Variants in PISD observed in about 807,000 individuals in gnomAD.
PISD encodes phosphatidylserine decarboxylase proenzyme, mitochondrial.
Under a neutral mutation model 43.5 loss-of-function variants are expected in PISD, and 31 were observed. That is an observed-to-expected ratio of 0.71 (90% CI 0.54 to 0.96). The LOEUF is 0.96. PISD is among the 40% of genes least tolerant of loss of function. PISD has a pLI of 0.00. For synonymous variants in PISD, 259 were observed against 228.7 expected (o/e 1.13, Z -1.20); for missense variants, 523 against 548.4 (o/e 0.95, Z 0.46).
chr22:31,648,493 G>A (rs55916646), intron 2 of PISD, among the ~76,000 whole-genome samples: 8,319 of 151,912 alleles, frequency 0.055, 212 homozygotes, highest in Non-Finnish European at 0.065. Flanking sequence ...GTGAAACCCC[G>A]TCTCTACTAA....
intron 1 of PISD, among the ~76,000 whole-genome samples, chr22:31,655,117 G>C (rs1455356908): frequency 3.3e-5 from 5 of 150,684 alleles, no homozygotes; most frequent in African/African-American, 1.2e-4. Context: ...AGGAGACTGG[G>C]TCCCTGAACA....
Position 31,619,641 on chromosome 22 carries a change from G to A in PISD, c.1201C>T (p.Arg401Cys), listed in dbSNP as rs140479024. The change falls in exon 8 of 8, where the codon CGC (arginine) becomes TGC (cysteine). Residue 401 changes from arginine to cysteine, a missense_variant. Coordinates refer to ENST00000439502, the MANE Select transcript of PISD (RefSeq NM_001326411.2). ...AGCGAGCCCAGGGCTTCCCCAAAGC[G>A]GATTTTCTGTCCTGTTTTCAGCTGG... ...NFQLKTGQKI[R>C]FGEALGSL is the part of the protein sequence containing the mutation. The A allele has an allele frequency of 3.4e-5, 55 of 1,614,140 alleles. No homozygotes were observed. The highest frequency in any genetic ancestry group is 1.6e-4 in the Middle Eastern group (1 of 6,062).
chr22:31,662,118 A>C, intron 1 of PISD, 26 bp downstream of exon 1: 2 of 1,602,410 alleles, frequency 1.2e-6, no homozygotes, highest in Non-Finnish European at 1.7e-6. Flanking sequence ...CCCACGCCCC[A>C]AGGTAGTCTC....
chr22:31,626,553 C>T (rs1405557087), intron 3 of PISD, among the ~76,000 whole-genome samples: 1 of 152,118 alleles, frequency 6.6e-6, no homozygotes, highest in East Asian at 1.9e-4. Flanking sequence ...ACACAAAATA[C>T]CCAGCTCCCT....
intron 1 of PISD, among the ~76,000 whole-genome samples, chr22:31,660,794 C>T (rs969774573): frequency 1.3e-5 from 2 of 152,090 alleles, no homozygotes; most frequent in Admixed American, 6.6e-5. Flanking sequence ...ACTCCAGCGG[C>T]GCAGTCTTGG....
At chr22:31,642,229 G>C (rs2073755311) in intron 3 of PISD, among the ~76,000 whole-genome samples, 1 of 151,082 alleles carries the variant, frequency 6.6e-6, no homozygotes, top group Non-Finnish European at 1.5e-5. Flanking sequence ...GGGAGGCCAA[G>C]GTGGGAGGAT....
intron 3 of PISD, among the ~76,000 whole-genome samples, chr22:31,625,189 G>A (rs2072834136): frequency 6.6e-6 from 1 of 152,208 alleles, no homozygotes; most frequent in African/African-American, 2.4e-5. Context: ...CGAACCAGTG[G>A]CGAACCCCGC....
rs1034980106 is a variant in PISD, at chr22:31,648,224, G to A, written c.198C>T (p.Pro66=). 6.2e-7 allele frequency: 1 copy of A among 1,611,984 alleles called. No homozygotes were observed. Among genetic ancestry groups the A allele is most frequent in the African/African-American group, 1.3e-5 (1 of 74,878 alleles). Residue 66 remains proline, a synonymous_variant, in exon 3 of 8, where the codon CCC becomes CCT. Coordinates refer to ENST00000439502, the MANE Select transcript of PISD (RefSeq NM_001326411.2). ...CGCCTGTCACCAACAGAATGGGCAG[G>A]GGACGCAGCAGGAACATGGTTCGGG... ...APARTMFLLR[P]LPILLVTGGG... is the part of the protein sequence containing the mutation.
At chr22:31,634,870 GA>G (rs2073367167) in intron 3 of PISD, among the ~76,000 whole-genome samples, 1 of 142,388 alleles carries the variant, frequency 7.0e-6, no homozygotes, top group South Asian at 2.3e-4. Context: ...AAAAGAAAAA[GA>G]AAAAGTGCTT....
intron 1 of PISD, among the ~76,000 whole-genome samples, chr22:31,658,284 C>T (rs1436905267): frequency 2.6e-5 from 4 of 152,194 alleles, no homozygotes; most frequent in South Asian, 4.1e-4. Flanking sequence ...CAAATCTCAG[C>T]GCTGCCACTT....
At chr22:31,662,437 G>A (rs1332353413), upstream of PISD, 5 of 561,634 alleles carry the variant, frequency 8.9e-6, no homozygotes, top group East Asian at 3.0e-5. Context: ...TCGCAGCACT[G>A]CCACTCCTCC....
chr22:31,628,473 C>T (rs2073025446), intron 3 of PISD, among the ~76,000 whole-genome samples: 1 of 152,226 alleles, frequency 6.6e-6, no homozygotes, highest in Admixed American at 6.5e-5. Flanking sequence ...CACCTTCCCT[C>T]CCTTCTAAGC....
chr22:31,621,647 ACCACG>A lies in PISD; in HGVS notation c.555_558+1del. 6.2e-7 allele frequency: 1 copy of A among 1,611,814 alleles called. No homozygotes were observed. The highest frequency in any genetic ancestry group is 8.5e-7 in the Non-Finnish European group (1 of 1,178,376). Reference sequence around the variant, plus strand: ...CTGCAGGAGGAAAGGGTCAGGCCTCACCACGCTGTGCAGGCCACAGACAGGCCGGG... The same window carrying A: ...CTGCAGGAGGAAAGGGTCAGGCCTCACTGTGCAGGCCACAGACAGGCCGGG... On this transcript the variant is annotated splice_donor_variant and coding_sequence_variant, in exon 4 of 8. Coordinates refer to ENST00000439502, the MANE Select transcript of PISD (RefSeq NM_001326411.2). LOFTEE classifies it high-confidence loss of function.
chr22:31,649,423 A>G (rs1343822284), intron 2 of PISD, among the ~76,000 whole-genome samples: 4 of 152,160 alleles, frequency 2.6e-5, no homozygotes, highest in Admixed American at 6.5e-5. Flanking sequence ...GGGTCTTTAC[A>G]GAGATTATCA....
chr22:31,661,804 T>C (rs2074326141), intron 1 of PISD, among the ~76,000 whole-genome samples: 1 of 152,136 alleles, frequency 6.6e-6, no homozygotes, highest in African/African-American at 2.4e-5. Context: ...TCATTCCTTC[T>C]ACGAAAACGA....
At chr22:31,638,485 G>A (rs76684125) in intron 3 of PISD, 32,922 of 985,472 alleles carry the variant, frequency 0.033, 598 homozygotes, top group Non-Finnish European at 0.036. Flanking sequence ...GGAAGAGGGA[G>A]AAACGCTTGT....
Position 31,630,652 on chromosome 22 carries a change from T to C in PISD, c.322-8767A>G, listed in dbSNP as rs1296127795. On this transcript the variant is annotated intron_variant, in intron 3 of 7. Coordinates refer to ENST00000439502, the MANE Select transcript of PISD (RefSeq NM_001326411.2). This position sits in a 1 kb window ranked among gnomAD's most constrained non-coding sequence, Gnocchi z 4.4. ...CGGGGCTCCTCAGGCCGGGGCCGCG[T>C]CGTCACAGCTGGGAGAGCCCACCTG... The C allele has an allele frequency of 1.9e-5, 17 of 885,476 alleles. No individual in the cohort carries two copies. Among genetic ancestry groups the C allele is most frequent in the Non-Finnish European group, 2.3e-5 (17 of 738,774 alleles). 54.9% of individuals were successfully genotyped at this position (885,476 alleles called of 1,614,324 possible).
At chr22:31,622,003 C>G (rs2072611164) in intron 3 of PISD, 118 bp from the exon 4 acceptor site, 1 of 755,228 alleles carries the variant, frequency 1.3e-6, no homozygotes, top group Non-Finnish European at 2.2e-6. Context: ...ACGGAGGACA[C>G]CAGGGCCCAG....
chr22:31,654,536 A>C (rs1601448896), intron 1 of PISD, among the ~76,000 whole-genome samples: 1 of 152,014 alleles, frequency 6.6e-6, no homozygotes. Context: ...CTCACCTTCA[A>C]TCTGCTCCTG....
Sources: gnomAD v4.1 joint callset for allele counts (sites outside exome capture counted in the v4.1 genomes callset) on GRCh38, gnomAD v4.1.1 for gene constraint, Gnocchi (gnomAD v3.1) non-coding constraint, MANE v1.5 for transcripts, NCBI Gene and HGNC (gene_info 2026-07-23, HGNC 2026-07-21) for gene names.